SCHIP1: variants seen among roughly 807,000 people sequenced by gnomAD.
SCHIP1 encodes the protein schwannomin interacting protein 1, also known as schwannomin-interacting protein 1.
SCHIP1 carries 8 observed loss-of-function variants against 29.7 expected under a neutral mutation model. That is an observed-to-expected ratio of 0.27 (90% CI 0.16 to 0.49). The LOEUF (loss-of-function observed/expected upper bound fraction) is 0.49, where lower values mean the gene tolerates loss of function less well. SCHIP1 is among the 20% of genes least tolerant of loss of function. The pLI, the probability that SCHIP1 is intolerant of heterozygous loss-of-function variation, is 0.99. For synonymous variants in SCHIP1, 76 were observed against 94.9 expected (o/e 0.80, Z 1.16); for missense variants, 193 against 294.6 (o/e 0.66, Z 2.52).
the SCHIP1 span, among the ~76,000 whole-genome samples, chr3:159,552,603 C>T: frequency 1.5e-4 from 23 of 152,188 alleles, no homozygotes; most frequent in African/African-American, 4.8e-4. Flanking sequence ...ATATAGCCAC[C>T]GTGTCCCTGA....
intron 2 of SCHIP1, among the ~76,000 whole-genome samples, chr3:159,872,868 G>T (rs181061079): frequency 2.0e-5 from 3 of 152,234 alleles, no homozygotes; most frequent in East Asian, 3.9e-4. Context: ...TGTTTCTGCT[G>T]CATCACTATC....
At chr3:159,690,722 TG>T in the SCHIP1 span, among the ~76,000 whole-genome samples, 161 of 152,370 alleles carry the variant, frequency 1.1e-3, 4 homozygotes, top group South Asian at 9.5e-3. Flanking sequence ...TGCTTTCTCC[TG>T]TGGGCATTTA....
chr3:159,814,631 A>G, the SCHIP1 span, among the ~76,000 whole-genome samples: 1 of 152,170 alleles, frequency 6.6e-6, no homozygotes, highest in Non-Finnish European at 1.5e-5. Flanking sequence ...CATTTTGCCG[A>G]GTAGGGATAC....
the SCHIP1 span, among the ~76,000 whole-genome samples, chr3:159,527,851 G>T: frequency 6.6e-6 from 1 of 152,124 alleles, no homozygotes; most frequent in Admixed American, 6.5e-5. Flanking sequence ...TATTTCAGCC[G>T]TGAGGTTAGC....
the SCHIP1 span, among the ~76,000 whole-genome samples, chr3:159,408,304 A>ATAAT: frequency 1.3e-5 from 2 of 151,916 alleles, no homozygotes; most frequent in Admixed American, 1.3e-4. Context: ...TCTCAAAATA[A>ATAAT]TAATAATAAT....
At chr3:159,501,875 T>C in the SCHIP1 span, among the ~76,000 whole-genome samples, 2 of 152,182 alleles carry the variant, frequency 1.3e-5, no homozygotes, top group East Asian at 3.8e-4. Context: ...ATACATGAGT[T>C]CCCATTTTAC....
chr3:159,528,068 A>C, the SCHIP1 span, among the ~76,000 whole-genome samples: 1 of 152,220 alleles, frequency 6.6e-6, no homozygotes, highest in Non-Finnish European at 1.5e-5. Context: ...AATTACCTCC[A>C]GTCTTTTATT....
the SCHIP1 span, among the ~76,000 whole-genome samples, chr3:159,309,879 A>G: frequency 6.6e-6 from 1 of 152,206 alleles, no homozygotes; most frequent in Non-Finnish European, 1.5e-5. Flanking sequence ...ATCTGAAGTC[A>G]TTATGATAGA....
chr3:159,453,244 T>C, the SCHIP1 span, among the ~76,000 whole-genome samples: 4 of 152,302 alleles, frequency 2.6e-5, no homozygotes, highest in Non-Finnish European at 5.9e-5. Context: ...TAGCCCACTG[T>C]GTGACCCTGG....
chr3:159,430,740 G>T, the SCHIP1 span, among the ~76,000 whole-genome samples: 1 of 152,110 alleles, frequency 6.6e-6, no homozygotes, highest in African/African-American at 2.4e-5. Flanking sequence ...ACAGATAGGG[G>T]CAGGGATAAG....
At chr3:159,721,173 T>A in the SCHIP1 span, among the ~76,000 whole-genome samples, 3 of 152,130 alleles carry the variant, frequency 2.0e-5, no homozygotes, top group Non-Finnish European at 2.9e-5. Flanking sequence ...TATATAATGA[T>A]AAAAGCACAG....
At chr3:159,411,001 T>C in the SCHIP1 span, among the ~76,000 whole-genome samples, 1 of 152,112 alleles carries the variant, frequency 6.6e-6, no homozygotes, top group Non-Finnish European at 1.5e-5. Flanking sequence ...GAGGTTATTA[T>C]GTTAAGTGAA....
chr3:159,644,899 C>T, the SCHIP1 span, among the ~76,000 whole-genome samples: 1 of 152,028 alleles, frequency 6.6e-6, no homozygotes, highest in Non-Finnish European at 1.5e-5. Flanking sequence ...AATCCTGCCT[C>T]CAAGGATCTA....
At chr3:159,358,171 G>A in the SCHIP1 span, among the ~76,000 whole-genome samples, 1 of 152,214 alleles carries the variant, frequency 6.6e-6, no homozygotes, top group Non-Finnish European at 1.5e-5. Context: ...AAGAGAGGGA[G>A]GTAAGAAGGG....
the SCHIP1 span, among the ~76,000 whole-genome samples, chr3:159,415,460 C>T: frequency 3.3e-5 from 5 of 152,162 alleles, no homozygotes. Context: ...ACCCTCTACC[C>T]TCAAGTACAC....
the SCHIP1 span, among the ~76,000 whole-genome samples, chr3:159,493,342 G>C: frequency 2.6e-5 from 4 of 152,186 alleles, no homozygotes; most frequent in Admixed American, 6.5e-5. Context: ...TCAGTGTGCT[G>C]TATTCAGGAA....
At chr3:159,509,432 A>G in the SCHIP1 span, among the ~76,000 whole-genome samples, 3,694 of 152,216 alleles carry the variant, frequency 0.024, 157 homozygotes, top group African/African-American at 0.084. Context: ...ATTTGCCAGT[A>G]TGTGTCTTTT....
the SCHIP1 span, among the ~76,000 whole-genome samples, chr3:159,570,218 C>T: frequency 6.6e-6 from 1 of 152,150 alleles, no homozygotes; most frequent in Non-Finnish European, 1.5e-5. Context: ...AGTCCTTGCC[C>T]ATGCCTATGT....
chr3:159,339,088 G>A, the SCHIP1 span, among the ~76,000 whole-genome samples: 7 of 152,120 alleles, frequency 4.6e-5, no homozygotes, highest in South Asian at 1.5e-3. Flanking sequence ...ATTTACAGCA[G>A]ACTGATGAAA....
Sources: gnomAD v4.1 joint callset for allele counts (sites outside exome capture counted in the v4.1 genomes callset) on GRCh38, gnomAD v4.1.1 for gene constraint, MANE v1.5 for transcripts, NCBI Gene and HGNC (gene_info 2026-07-23, HGNC 2026-07-21) for gene names.